The following ATXN3 variants were observed in gnomAD, a reference collection of about 807,000 sequenced individuals.
The protein encoded by ATXN3 is ataxin-3.
ATXN3 carries 28 observed loss-of-function variants against 58.2 expected under a neutral mutation model. The observed-to-expected ratio is 0.48, with a 90% CI of 0.36 to 0.66. ATXN3 has a LOEUF of 0.66. Ranked by LOEUF, ATXN3 falls within the 30% of genes least tolerant of loss-of-function variation. The probability of loss-of-function intolerance (pLI) is 0.00; values close to 1 mark genes in which losing one functional copy is unlikely to be tolerated. For missense variants in ATXN3, 321 were observed against 422.1 expected (o/e 0.76, Z 2.10); for synonymous variants, 113 against 138.5 (o/e 0.82, Z 1.29).
At chr14:92,073,081 T>A (rs1169423864) in intron 9 of ATXN3, among the ~76,000 whole-genome samples, 3 of 152,210 alleles carry the variant, frequency 2.0e-5, no homozygotes, top group Non-Finnish European at 1.5e-5. Flanking sequence ...TCCTGGCACA[T>A]CTGCTATCAC....
chr14:92,051,631 TATTTTA>T (rs1566883917), upstream of ATXN3, among the ~76,000 whole-genome samples: 1 of 150,926 alleles, frequency 6.6e-6, no homozygotes, highest in East Asian at 1.9e-4. Flanking sequence ...TTCTGCGATT[TATTTTA>T]ATTTTTTTTT....
chr14:92,079,811 C>A (rs2061123947), intron 9 of ATXN3, among the ~76,000 whole-genome samples: 1 of 152,184 alleles, frequency 6.6e-6, no homozygotes, highest in Non-Finnish European at 1.5e-5. Context: ...TATCTCAGCT[C>A]ACTGCAACTT....
At chr14:92,069,842 AGTC>A (rs200584159) in intron 10 of ATXN3, among the ~76,000 whole-genome samples, 1,870 of 152,256 alleles carry the variant, frequency 0.012, 49 homozygotes, top group African/African-American at 0.042. Context: ...ACAGTATATG[AGTC>A]TCAGCTGCTT....
At chr14:92,097,152 G>T (rs538660492) in intron 1 of ATXN3, among the ~76,000 whole-genome samples, 1 of 151,770 alleles carries the variant, frequency 6.6e-6, no homozygotes, top group Non-Finnish European at 1.5e-5. Flanking sequence ...CTCGTGATCC[G>T]CCCGCCTTGG....
chr14:92,065,797 C>T (rs374579221), intron 10 of ATXN3, among the ~76,000 whole-genome samples: 10 of 152,232 alleles, frequency 6.6e-5, no homozygotes, highest in African/African-American at 2.4e-4. Context: ...AGGAGAATGG[C>T]GTGAACCCGG....
At position 92,080,753 on chromosome 14, in the gene ATXN3, C is replaced by T. The variant is rs1238112728; in HGVS notation, c.872+212G>A. ...GTTTCACTGTGTTGCCCAGGCTGGT[C>T]TCGAACTCCTGACCTCAGGCAATCT... On this transcript the variant is annotated intron_variant, in intron 9 of 10. Coordinates refer to ENST00000644486, the MANE Select transcript of ATXN3 (RefSeq NM_004993.6). 33 of 530,652 alleles carry T rather than the reference C, an allele frequency of 6.2e-5. No homozygotes were observed. The Admixed American group carries it at 7.2e-4, about 12-fold the overall frequency. 32.9% of individuals were successfully genotyped at this position (530,652 alleles called of 1,614,324 possible).
chr14:92,052,493 GAA>G (rs370788864), upstream of ATXN3, among the ~76,000 whole-genome samples: 2,165 of 141,874 alleles, frequency 0.015, 56 homozygotes, highest in African/African-American at 0.052. Flanking sequence ...CCATCTCAAA[GAA>G]AAAAAAAAAA....
In ATXN3 at chr14:92,106,422, G is replaced by C. The variant is rs1046962683; in HGVS notation, c.24+107C>G. On this transcript the variant is annotated intron_variant, in intron 1 of 10. Transcript: ENST00000644486. Reference sequence around the variant, plus strand: ...CGTCGCCCCTCGCCGGGCGAGATCGGCATGGGGGCGACTCGGGCCCCACCC... The same window carrying C: ...CGTCGCCCCTCGCCGGGCGAGATCGCCATGGGGGCGACTCGGGCCCCACCC... The C allele has an allele frequency of 1.0e-5, 15 of 1,451,398 alleles. No individual in the cohort carries two copies. The African/African-American group carries it at 2.1e-4, about 21-fold the overall frequency. The allele number at this position is 1,451,398 out of a possible 1,614,324, so 89.9% of individuals were successfully genotyped here. A position where few individuals can be genotyped will look rare whatever the true frequency, so the allele number is the denominator to read the frequency against.
chr14:92,098,352 C>A (rs747754080), intron 1 of ATXN3, among the ~76,000 whole-genome samples: 13 of 152,202 alleles, frequency 8.5e-5, no homozygotes, highest in Middle Eastern at 3.4e-3. Context: ...GTTTGGGAGG[C>A]CGAGGTGGGT....
intron 6 of ATXN3, 114 bp from the exon 7 acceptor site, chr14:92,083,372 A>G: frequency 9.6e-7 from 1 of 1,042,862 alleles, no homozygotes; most frequent in Non-Finnish European, 1.4e-6. Flanking sequence ...ATACAAGCTG[A>G]GGATTCAGAA....
chr14:92,077,266 CT>C (rs1260445103), intron 9 of ATXN3, among the ~76,000 whole-genome samples: 1 of 152,120 alleles, frequency 6.6e-6, no homozygotes, highest in Non-Finnish European at 1.5e-5. Flanking sequence ...GAGTACAACA[CT>C]TACAAGGTAA....
intron 1 of ATXN3, among the ~76,000 whole-genome samples, chr14:92,098,933 C>T (rs2066047923): frequency 6.6e-6 from 1 of 152,162 alleles, no homozygotes; most frequent in Non-Finnish European, 1.5e-5. Context: ...ACACAACTGG[C>T]AACCTGAATC....
intron 2 of ATXN3, among the ~76,000 whole-genome samples, chr14:92,046,908 G>A (rs940000356): frequency 2.7e-4 from 41 of 152,172 alleles, no homozygotes; most frequent in African/African-American, 8.9e-4. Flanking sequence ...GGGGACATCC[G>A]ATATCCCTTG....
intron 10 of ATXN3, 102 bp downstream of exon 10, chr14:92,070,833 A>T: frequency 1.2e-6 from 2 of 1,604,078 alleles, no homozygotes; most frequent in Non-Finnish European, 1.7e-6. Context: ...TAATATGATT[A>T]AAGAGGGAAT....
intron 6 of ATXN3, among the ~76,000 whole-genome samples, chr14:92,087,813 G>A (rs559976759): frequency 6.6e-6 from 1 of 152,216 alleles, no homozygotes; most frequent in Non-Finnish European, 1.5e-5. Flanking sequence ...TAGTTAAAGA[G>A]TAATATGCTT....
At chr14:92,096,893 G>T in intron 1 of ATXN3, 55 bp from the exon 2 acceptor site, 4 of 1,429,126 alleles carry the variant, frequency 2.8e-6, no homozygotes, top group Non-Finnish European at 3.9e-6. Context: ...GAATTGTATA[G>T]TATCTTCCCC....
Position 92,064,417 on chromosome 14 carries a change from G to T in ATXN3, c.992-3C>A. 6.3e-7 allele frequency: 1 copy of T among 1,595,916 alleles called. No individual in the cohort carries two copies. Among genetic ancestry groups the T allele is most frequent in the South Asian group, 1.1e-5 (1 of 87,320 alleles). Reference sequence around the variant, plus strand: ...GTCTTCTTCACTCATAGCATCACCTGTTGGGAAACAAAACCACATTTCTTT... The same window carrying T: ...GTCTTCTTCACTCATAGCATCACCTTTTGGGAAACAAAACCACATTTCTTT... On this transcript the variant is annotated splice_polypyrimidine_tract_variant and splice_region_variant and intron_variant, in intron 10 of 10. Coordinates refer to ENST00000644486, the MANE Select transcript of ATXN3 (RefSeq NM_004993.6).
Position 92,062,485 on chromosome 14 carries a change from T to C in ATXN3, c.*1835A>G, listed in dbSNP as rs147932464. The C allele has an allele frequency of 2.6e-5, 4 of 152,298 alleles. No individual in the cohort carries two copies. Among genetic ancestry groups the C allele is most frequent in the East Asian group, 1.9e-4 (1 of 5,190 alleles). The allele number at this position is 152,298 out of a possible 1,614,324, so 9.4% of individuals were successfully genotyped here. A position where few individuals can be genotyped will look rare whatever the true frequency, so the allele number is the denominator to read the frequency against. On this transcript the variant is annotated 3_prime_UTR_variant, in exon 11 of 11. Transcript: ENST00000644486. Reference sequence around the variant, plus strand: ...GAAAAAGGTAATGAACAAATATCCATGGAAAATATGACAAACACACTGGTA... The same window carrying C: ...GAAAAAGGTAATGAACAAATATCCACGGAAAATATGACAAACACACTGGTA...
At chr14:92,089,640 G>C (rs937480535) in intron 5 of ATXN3, among the ~76,000 whole-genome samples, 3 of 152,016 alleles carry the variant, frequency 2.0e-5, no homozygotes, top group Non-Finnish European at 4.4e-5. Flanking sequence ...GCCCGGCCCT[G>C]TTAGATACTT....
Sources: gnomAD v4.1 joint callset for allele counts (sites outside exome capture counted in the v4.1 genomes callset) on GRCh38, gnomAD v4.1.1 for gene constraint, MANE v1.5 for transcripts, NCBI Gene and HGNC (gene_info 2026-07-23, HGNC 2026-07-21) for gene names.